SNX24: variants seen among roughly 807,000 people sequenced by gnomAD.
SNX24 encodes sorting nexin-24.
SNX24 carries 22 observed loss-of-function variants against 28.7 expected under a neutral mutation model. The ratio of observed to expected loss-of-function variants is 0.77; its 90% confidence interval spans 0.55 to 1.10. The LOEUF (loss-of-function observed/expected upper bound fraction) is 1.10, where lower values mean the gene tolerates loss of function less well. Among genes scored for constraint, SNX24 ranks in the 50% least tolerant of loss-of-function variants. The probability of loss-of-function intolerance (pLI) is 0.00; values close to 1 mark genes in which losing one functional copy is unlikely to be tolerated. For missense variants in SNX24, 221 were observed against 201.1 expected, an observed-to-expected ratio of 1.10 and a Z score of -0.60; for synonymous variants, 69 against 71.5, an observed-to-expected ratio of 0.96 and a Z score of 0.18.
intron 1 of SNX24, among the ~76,000 whole-genome samples, chr5:122,866,079 AAGG>A (rs1445822470): frequency 2.6e-5 from 4 of 152,244 alleles, no homozygotes; most frequent in East Asian, 3.8e-4. Context: ...GTAACAAAAT[AAGG>A]AGGAAATACT....
At position 123,008,667 on chromosome 5, in the gene SNX24, G is replaced by A. The variant is rs574896750; in HGVS notation, c.*918G>A. ...ACAAGGAGTGAAGCGCCCACCCAGC[G>A]GATGGACAGCACCCACCTGGGTTTA... is the stretch of plus-strand genomic sequence containing the variant. On this transcript the variant is annotated 3_prime_UTR_variant, in exon 7 of 7. Coordinates refer to ENST00000261369, the MANE Select transcript of SNX24 (RefSeq NM_014035.4). 8 of 171,384 alleles carry A rather than the reference G, an allele frequency of 4.7e-5. No homozygotes were observed. Among genetic ancestry groups the A allele is most frequent in the Non-Finnish European group, 8.2e-5 (7 of 85,612 alleles). The allele number at this position is 171,384 out of a possible 1,614,324, so 10.6% of individuals were successfully genotyped here. A position where few individuals can be genotyped will look rare whatever the true frequency, so the allele number is the denominator to read the frequency against.
intron 1 of SNX24, among the ~76,000 whole-genome samples, chr5:122,914,287 A>T (rs1420312537): frequency 6.6e-6 from 1 of 152,200 alleles, no homozygotes; most frequent in African/African-American, 2.4e-5. Flanking sequence ...GTGTTGCTGG[A>T]TTCGGTTTGC....
chr5:122,863,329 A>G (rs1422924713), intron 1 of SNX24, among the ~76,000 whole-genome samples: 4 of 152,060 alleles, frequency 2.6e-5, no homozygotes, highest in Non-Finnish European at 5.9e-5. Flanking sequence ...TGCAAAGGAC[A>G]TGAAGTGGAA....
At chr5:122,885,359 G>T (rs750652294) in intron 1 of SNX24, among the ~76,000 whole-genome samples, 2 of 152,164 alleles carry the variant, frequency 1.3e-5, no homozygotes, top group Non-Finnish European at 2.9e-5. Context: ...GGAGCACACT[G>T]TTCAATGCCC....
intron 1 of SNX24, among the ~76,000 whole-genome samples, chr5:122,899,940 C>G (rs1757361581): frequency 6.6e-6 from 1 of 152,110 alleles, no homozygotes; most frequent in Non-Finnish European, 1.5e-5. Context: ...AAATCTTGAT[C>G]TCTCCCTTTT....
chr5:123,008,546 G>A lies in SNX24; in HGVS notation c.*797G>A. 7.5e-6 allele frequency: 1 copy of A among 133,152 alleles called. No homozygotes were observed. Among genetic ancestry groups the A allele is most frequent in the South Asian group, 2.4e-4 (1 of 4,210 alleles). The allele number at this position is 133,152 out of a possible 1,614,324, so 8.2% of individuals were successfully genotyped here. A position where few individuals can be genotyped will look rare whatever the true frequency, so the allele number is the denominator to read the frequency against. ...TGAAGTTGTTGGTGTTTGTTTAGGGGCCATTTTGTTAAAAAAAAAAAAAAA... is the reference window on the plus strand; with the variant it reads ...TGAAGTTGTTGGTGTTTGTTTAGGGACCATTTTGTTAAAAAAAAAAAAAAA... On this transcript the variant is annotated 3_prime_UTR_variant, in exon 7 of 7. Coordinates refer to ENST00000261369, the MANE Select transcript of SNX24 (RefSeq NM_014035.4).
At chr5:123,001,846 C>A in intron 5 of SNX24, 94 bp from the exon 6 acceptor site, 1 of 1,022,350 alleles carries the variant, frequency 9.8e-7, no homozygotes, top group Non-Finnish European at 1.6e-6. Context: ...GAGACGTCCC[C>A]GCACAGCAGT....
At chr5:122,873,119 C>T (rs1206468116) in intron 1 of SNX24, among the ~76,000 whole-genome samples, 1 of 152,036 alleles carries the variant, frequency 6.6e-6, no homozygotes, top group East Asian at 1.9e-4. Context: ...GGCACCACAC[C>T]ACCATGCCTG....
At chr5:122,980,592 G>A (rs1390258973) in intron 3 of SNX24, among the ~76,000 whole-genome samples, 2 of 151,562 alleles carry the variant, frequency 1.3e-5, no homozygotes, top group African/African-American at 4.9e-5. Context: ...AATTTCTCAA[G>A]GTTTTCACAT....
chr5:122,988,705 G>A (rs1216706325), intron 3 of SNX24, among the ~76,000 whole-genome samples: 2 of 152,072 alleles, frequency 1.3e-5, no homozygotes, highest in African/African-American at 4.8e-5. Context: ...ACCAAATTTG[G>A]GAGGATATTT....
At chr5:122,850,461 A>G (rs1260797727) in intron 1 of SNX24, among the ~76,000 whole-genome samples, 1 of 152,216 alleles carries the variant, frequency 6.6e-6, no homozygotes, top group East Asian at 1.9e-4. Context: ...GACTGTAGCG[A>G]TGATTCTGGA....
intron 1 of SNX24, among the ~76,000 whole-genome samples, chr5:122,872,124 G>T (rs894328377): frequency 4.7e-5 from 7 of 148,470 alleles, no homozygotes; most frequent in Admixed American, 2.1e-4. Context: ...TCTAGTATGA[G>T]AATTTTTCTT....
intron 1 of SNX24, among the ~76,000 whole-genome samples, chr5:122,846,253 C>G (rs1421448801): frequency 6.6e-6 from 1 of 152,034 alleles, no homozygotes; most frequent in East Asian, 1.9e-4. Context: ...GCACCTGTTT[C>G]ATACCTAGGA....
At chr5:122,851,600 T>C (rs1157085843) in intron 1 of SNX24, among the ~76,000 whole-genome samples, 1 of 152,198 alleles carries the variant, frequency 6.6e-6, no homozygotes, top group East Asian at 1.9e-4. Flanking sequence ...TATCACTGAT[T>C]TACTTAATAA....
chr5:123,015,178 C>A (rs1039952957), intron 5 of SNX24, among the ~76,000 whole-genome samples: 5 of 152,198 alleles, frequency 3.3e-5, no homozygotes, highest in Non-Finnish European at 7.3e-5. Flanking sequence ...TAGTGTGAGG[C>A]CCAGAGTCAA....
At chr5:122,938,093 TA>T (rs1414938959) in intron 2 of SNX24, among the ~76,000 whole-genome samples, 1 of 152,090 alleles carries the variant, frequency 6.6e-6, no homozygotes, top group Non-Finnish European at 1.5e-5. Flanking sequence ...TCCATGACCC[TA>T]GCACAGCCCA....
Position 122,869,897 on chromosome 5 carries a change from G to GT in SNX24, c.60+24217dup, listed in dbSNP as rs10623024. Reference sequence around the variant, plus strand: ...GCAAATGCATTTCTTAGTGCTATGAGTTTTTTTTTTTTTACTGATGTTGTT... The same window carrying GT: ...GCAAATGCATTTCTTAGTGCTATGAGTTTTTTTTTTTTTTACTGATGTTGTT... On this transcript the variant is annotated intron_variant, in intron 1 of 6. Transcript: ENST00000261369. Among the ~76,000 whole-genome samples the GT allele has an allele frequency of 7.1e-3, 1,042 of 147,620 alleles. 6 individuals carry two copies. Among genetic ancestry groups the GT allele is most frequent in the African/African-American group, 0.012 (464 of 40,286 alleles).
chr5:122,845,755 G>C (rs1395693612), intron 1 of SNX24, 62 bp downstream of exon 1: 3 of 1,081,810 alleles, frequency 2.8e-6, no homozygotes, highest in East Asian at 6.0e-5. Context: ...CTGCGCCCAG[G>C]AAACACCCTT....
chr5:122,923,541 G>C (rs187803794), intron 1 of SNX24, among the ~76,000 whole-genome samples: 321 of 152,202 alleles, frequency 2.1e-3, no homozygotes, highest in Admixed American at 3.9e-3. Flanking sequence ...TGTCTATGAG[G>C]AGGGTCTTTA....
Sources: gnomAD v4.1 joint callset for allele counts (sites outside exome capture counted in the v4.1 genomes callset) on GRCh38, gnomAD v4.1.1 for gene constraint, MANE v1.5 for transcripts, NCBI Gene and HGNC (gene_info 2026-07-23, HGNC 2026-07-21) for gene names.